The following MSN variants were observed in gnomAD, a reference collection of about 807,000 sequenced individuals.
MSN encodes the protein epididymis luminal protein 70.
In MSN, 2 loss-of-function variants were observed where a neutral mutation model predicts 48.0. The observed-to-expected ratio is 0.04, with a 90% confidence interval of 0.02 to 0.13. The LOEUF (loss-of-function observed/expected upper bound fraction) is 0.13. Among genes scored for constraint, MSN ranks in the 10% least tolerant of loss-of-function variants. The pLI is 1.00. For synonymous variants in MSN, 146 were observed against 166.9 expected, an observed-to-expected ratio of 0.87 and a Z score of 0.97; for missense variants, 267 against 470.1, an observed-to-expected ratio of 0.57 and a Z score of 3.99.
At chrX:65,593,388 T>C (rs1381290545) in intron 1 of MSN, 1 of 112,084 alleles carries the variant, frequency 8.9e-6, no homozygotes, top group African/African-American at 3.2e-5. Context: ...AGAATAATTC[T>C]GTTTAAAAAA....
At chrX:65,602,916 A>G (rs1196352962) in intron 1 of MSN, among the ~76,000 whole-genome samples, 1 of 111,472 alleles carries the variant, frequency 9.0e-6, no homozygotes, top group Non-Finnish European at 1.9e-5. Context: ...TGTAACTGGT[A>G]GGAACCTTAG....
At position 65,716,877 on chromosome X, in the gene MSN, C is replaced by T. The variant is rs772035472; in HGVS notation, c.72C>T (p.Thr24=). The T allele has an allele frequency of 3.3e-6, 4 of 1,210,422 alleles. No homozygotes were observed. Among genetic ancestry groups the T allele is most frequent in the East Asian group, 5.9e-5 (2 of 33,812 alleles). The part of the protein sequence containing the change: ...AELEFAIQPN[T]TGKQLFDQVV... ...TGGAGTTTGCCATCCAGCCCAACAC[C>T]ACCGGGAAGCAGCTATTTGACCAGG... The change falls in exon 2 of 13, where the codon ACC becomes ACT. Residue 24 remains threonine, a synonymous_variant. Transcript: ENST00000360270.
At chrX:65,664,705 G>T (rs1348599154), upstream of MSN, among the ~76,000 whole-genome samples, 4 of 91,519 alleles carry the variant, frequency 4.4e-5, no homozygotes, top group Non-Finnish European at 8.5e-5. Context: ...TTAGCTCCCC[G>T]AGCCTCTGAC....
rs1000223920 is a variant in MSN at position 65,626,836 on chromosome X, C to G, written c.-22+38224C>G. On this transcript the variant is annotated intron_variant, in intron 1 of 3. Coordinates refer to the MSN transcript ENST00000609672. ...AACAAAAACAAGTGCCTGTGTCAGTCTTTCAGGAAGCCCCTAGAGAGACTA... is the reference window on the plus strand; with the variant it reads ...AACAAAAACAAGTGCCTGTGTCAGTGTTTCAGGAAGCCCCTAGAGAGACTA... Among the ~76,000 whole-genome samples, 8 of 111,324 alleles carry G rather than the reference C, an allele frequency of 7.2e-5. No homozygotes were observed. The Admixed American group carries it at 7.7e-4, about 11-fold the overall frequency.
At chrX:65,708,485 G>A (rs1306252805) in intron 1 of MSN, among the ~76,000 whole-genome samples, 1 of 110,064 alleles carries the variant, frequency 9.1e-6, no homozygotes, top group African/African-American at 3.3e-5. Flanking sequence ...TAGAGATGGG[G>A]TTTTGCCATG....
intron 4 of MSN, among the ~76,000 whole-genome samples, chrX:65,730,390 A>G (rs1346688670): frequency 9.0e-6 from 1 of 111,424 alleles, no homozygotes; most frequent in African/African-American, 3.3e-5. Flanking sequence ...TTTTCCTACT[A>G]TACCCAATGG....
chrX:65,620,121 CA>C (rs1383077458), intron 1 of MSN, among the ~76,000 whole-genome samples: 1 of 112,499 alleles, frequency 8.9e-6, no homozygotes, highest in Non-Finnish European at 1.9e-5. Flanking sequence ...AGCTGTCAGA[CA>C]GGGACATTTA....
chrX:65,738,396 G>A (rs180828653), intron 10 of MSN, 129 bp from the exon 11 acceptor site: 8,719 of 494,415 alleles, frequency 0.018, 76 homozygotes, highest in Middle Eastern at 0.024. Flanking sequence ...TCTGGTAAAA[G>A]AGTCTCTGAG....
intron 1 of MSN, among the ~76,000 whole-genome samples, chrX:65,644,220 T>C (rs2070678602): frequency 8.9e-6 from 1 of 111,839 alleles, no homozygotes; most frequent in South Asian, 3.7e-4. Flanking sequence ...ATCTGTAACA[T>C]CCTTTGTGGT....
intron 1 of MSN, among the ~76,000 whole-genome samples, chrX:65,630,921 AT>A (rs896755619): frequency 1.4e-4 from 15 of 111,029 alleles, no homozygotes; most frequent in African/African-American, 4.6e-4. Flanking sequence ...AGTCCCCTGC[AT>A]TTTTCCTCAG....
rs998228639 is a variant in MSN, at chrX:65,741,718, A to G, written c.*1825A>G. 20 of 165,982 alleles carry G rather than the reference A, an allele frequency of 1.2e-4. 1 individual carries two copies. Among genetic ancestry groups the G allele is most frequent in the Non-Finnish European group, 2.2e-4 (19 of 86,443 alleles). The allele number at this position is 165,982 out of a possible 1,213,427, so 13.7% of individuals were successfully genotyped here. A position where few individuals can be genotyped will look rare whatever the true frequency, so the allele number is the denominator to read the frequency against. Reference sequence around the variant, plus strand: ...ATTAGCTCACTTGGTGATATGTCCTATATTGGCTAAATTGAAACCTGGAAT... The same window carrying G: ...ATTAGCTCACTTGGTGATATGTCCTGTATTGGCTAAATTGAAACCTGGAAT... On this transcript the variant is annotated 3_prime_UTR_variant, in exon 13 of 13. Coordinates refer to ENST00000360270, the MANE Select transcript of MSN (RefSeq NM_002444.3).
chrX:65,700,670 C>T (rs2071293223), intron 1 of MSN, among the ~76,000 whole-genome samples: 2 of 112,078 alleles, frequency 1.8e-5, no homozygotes. Context: ...CAAGGTCATG[C>T]AGCTAGAAAA....
At chrX:65,595,674 TC>T (rs1264931183) in intron 1 of MSN, among the ~76,000 whole-genome samples, 1 of 112,484 alleles carries the variant, frequency 8.9e-6, no homozygotes, top group Non-Finnish European at 1.9e-5. Context: ...GTGTGGCCTC[TC>T]CCTTTGTTCA....
intron 1 of MSN, among the ~76,000 whole-genome samples, chrX:65,608,446 T>C (rs757372875): frequency 1.8e-5 from 2 of 110,886 alleles, no homozygotes; most frequent in East Asian, 2.8e-4. Flanking sequence ...GAGGTGTGTG[T>C]GTGTGTGTGT....
intron 2 of MSN, among the ~76,000 whole-genome samples, chrX:65,723,125 C>T (rs769920586): frequency 3.6e-5 from 4 of 111,799 alleles, no homozygotes; most frequent in Non-Finnish European, 5.6e-5. Context: ...CCTCCAGTTT[C>T]TTAAGCTAGT....
chrX:65,600,028 G>C (rs1190502885), intron 1 of MSN, among the ~76,000 whole-genome samples: 1 of 108,210 alleles, frequency 9.2e-6, no homozygotes, highest in African/African-American at 3.3e-5. Context: ...ATAAGAATCT[G>C]ATGTGGTGTG....
intron 1 of MSN, among the ~76,000 whole-genome samples, chrX:65,691,279 C>A (rs904961359): frequency 1.3e-4 from 14 of 110,715 alleles, no homozygotes; most frequent in African/African-American, 4.6e-4. Flanking sequence ...GGTTTAAGGG[C>A]ATTTTTTGTC....
intron 1 of MSN, among the ~76,000 whole-genome samples, chrX:65,600,322 C>T (rs148717277): frequency 1.8e-5 from 2 of 111,315 alleles, no homozygotes; most frequent in African/African-American, 3.3e-5. Context: ...TATGGATGTG[C>T]GTCTCCAGGC....
rs1413950112 is a variant in MSN at position 65,740,151 on chromosome X, A to T, written c.*258A>T. On this transcript the variant is annotated 3_prime_UTR_variant, in exon 13 of 13. Coordinates refer to ENST00000360270, the MANE Select transcript of MSN (RefSeq NM_002444.3). ...TCCATTGAATCTGTATGGCTAGAAT[A>T]TCCTACTTCTCCAGCCTAGAGGTAC... 3.3e-6 allele frequency: 1 copy of T among 301,656 alleles called. No individual in the cohort carries two copies. The highest frequency in any genetic ancestry group is 5.9e-6 in the Non-Finnish European group (1 of 170,731). The allele number at this position is 301,656 out of a possible 1,213,427, so 24.9% of individuals were successfully genotyped here.
Sources: gnomAD v4.1 joint callset for allele counts (sites outside exome capture counted in the v4.1 genomes callset) on GRCh38, gnomAD v4.1.1 for gene constraint, MANE v1.5 for transcripts, NCBI Gene and HGNC (gene_info 2026-07-23, HGNC 2026-07-21) for gene names.